GCSH: variants seen among roughly 807,000 people sequenced by gnomAD.
The protein encoded by GCSH is glycine cleavage system H protein, mitochondrial.
A neutral mutation model predicts 21.3 loss-of-function variants in GCSH; 15 were observed. That is an observed-to-expected ratio of 0.70 (90% CI 0.47 to 1.08). GCSH has a LOEUF of 1.08. GCSH is among the 50% of genes least tolerant of loss of function. The probability of loss-of-function intolerance (pLI) is 0.00; values close to 1 mark genes in which losing one functional copy is unlikely to be tolerated. For synonymous variants in GCSH, 59 were observed against 84.5 expected (o/e 0.70, Z 1.66); for missense variants, 179 against 217.5 (o/e 0.82, Z 1.11).
intron 3 of GCSH, 96 bp downstream of exon 3, chr16:81,087,505 A>AG: frequency 1.1e-6 from 1 of 910,100 alleles, no homozygotes; most frequent in East Asian, 2.5e-5. Flanking sequence ...CCAAAAAAAA[A>AG]AAAGCACTCT....
At chr16:81,083,942 C>G (rs952816842) in intron 4 of GCSH, 1 of 156,094 alleles carries the variant, frequency 6.4e-6, no homozygotes, top group Non-Finnish European at 1.4e-5. Context: ...TATCAAGAAA[C>G]TGCAAAATAA....
chr16:81,095,101 GAAAAAAA>G (rs56957840), intron 1 of GCSH, among the ~76,000 whole-genome samples: 1 of 144,820 alleles, frequency 6.9e-6, no homozygotes, highest in East Asian at 2.0e-4. Context: ...TCAATAAAAA[GAAAAAAA>G]AAAAAAAAGA....
rs78295348 is a variant in GCSH, at chr16:81,095,377, A to ATTTTTTTTT, written c.148+745_148+753dup. 1.9e-3 allele frequency among the ~76,000 whole-genome samples: 271 copies of ATTTTTTTTT among 146,126 alleles called. 4 individuals carry two copies. Among genetic ancestry groups the ATTTTTTTTT allele is most frequent in the East Asian group, 0.015 (72 of 4,818 alleles). On this transcript the variant is annotated intron_variant, in intron 1 of 4. Transcript: ENST00000315467. ...AAAAAAATCTAGATCTGGCGCTTTA[A>ATTTTTTTTT]TTTTTTTTTTTTTTTTTTTTTTTGA...
rs374594636 is a variant in GCSH, at chr16:81,087,593, A to T, written c.292+8T>A. The T allele has an allele frequency of 8.3e-6, 13 of 1,573,364 alleles. No individual in the cohort carries two copies. The highest frequency in any genetic ancestry group is 1.4e-5 in the African/African-American group (1 of 73,670). ...CATGGATCATTCTAAGATCCTAAGA[A>T]CACTCACCTTGTTTGTTCAATTTTG... is the stretch of plus-strand genomic sequence containing the variant. On this transcript the variant is annotated splice_region_variant and intron_variant, in intron 3 of 4. Transcript: ENST00000315467.
chr16:81,084,491 T>C lies in GCSH; in HGVS notation c.396A>G (p.Gly132=), dbSNP rs1597163552. 2.5e-6 allele frequency: 4 copies of C among 1,610,964 alleles called. No homozygotes were observed. The highest frequency in any genetic ancestry group is 1.7e-4 in the Middle Eastern group (1 of 6,050). ...CTTCATAACAAGATTTGTTTACAAG[T>C]CCTGGATTTTCTGCAAGAGCTTCAT... ...EINEALAENP[G]LVNKSCYEDG... Residue 132 remains glycine, a synonymous_variant, in exon 4 of 5, where the codon GGA becomes GGG. Coordinates refer to ENST00000315467, the MANE Select transcript of GCSH (RefSeq NM_004483.5).
chr16:81,083,018 C>T, intron 4 of GCSH, 55 bp from the exon 5 acceptor site: 1 of 1,049,280 alleles, frequency 9.5e-7, no homozygotes, highest in African/African-American at 1.6e-5. Flanking sequence ...AAGTCAAATT[C>T]ATCCAAAACG....
intron 3 of GCSH, among the ~76,000 whole-genome samples, chr16:81,085,061 C>T (rs1466257405): frequency 7.8e-6 from 1 of 127,734 alleles, no homozygotes; most frequent in African/African-American, 3.0e-5. Flanking sequence ...TGTCACCAGG[C>T]TACAGTACAA....
intron 1 of GCSH, among the ~76,000 whole-genome samples, chr16:81,092,321 G>A (rs951189107): frequency 8.0e-5 from 4 of 49,862 alleles, no homozygotes; most frequent in African/African-American, 1.1e-4. Flanking sequence ...AGTAGGCTGT[G>A]TACCCACCAA....
intron 1 of GCSH, among the ~76,000 whole-genome samples, chr16:81,094,209 T>C (rs1190051001): frequency 6.6e-6 from 1 of 152,192 alleles, no homozygotes; most frequent in African/African-American, 2.4e-5. Flanking sequence ...CAATAATTAC[T>C]TTCTAACTGG....
intron 1 of GCSH, among the ~76,000 whole-genome samples, chr16:81,092,819 T>C (rs914154118): frequency 1.5e-4 from 23 of 149,056 alleles, no homozygotes; most frequent in African/African-American, 5.5e-4. Flanking sequence ...GAAAAATATA[T>C]ATATTTTTCC....
At chr16:81,088,520 T>A (rs1028996999) in intron 2 of GCSH, among the ~76,000 whole-genome samples, 2 of 152,130 alleles carry the variant, frequency 1.3e-5, no homozygotes, top group African/African-American at 4.8e-5. Flanking sequence ...TGCCTCAGCC[T>A]CCCAAGTAGC....
rs915336406 is a variant in GCSH, at chr16:81,087,253, C to T, written c.292+348G>A. Among the ~76,000 whole-genome samples the T allele has an allele frequency of 5.3e-5, 8 of 152,152 alleles. No individual in the cohort carries two copies. In the South Asian group the frequency reaches 8.3e-4, roughly 16 times the overall value. On this transcript the variant is annotated intron_variant, in intron 3 of 4. Transcript: ENST00000315467. ...CAAAAGCACTCTAATTGGCTGGGCA[C>T]GGTGGCTCACACTTGTAATCTCAGC...
At chr16:81,084,856 C>A (rs35161190) in intron 3 of GCSH, among the ~76,000 whole-genome samples, 2 of 151,474 alleles carry the variant, frequency 1.3e-5, no homozygotes, top group African/African-American at 4.9e-5. Context: ...GGACTACAGG[C>A]GCCCACCTGC....
rs1020099943 is a variant in GCSH, at chr16:81,096,072, C to T, written c.148+59G>A. Reference sequence around the variant, plus strand: ...CCGGCGTCCTCCGTGTCCCGCTGGGCCCGGGACAAGCAGCCCAGGCGGGGA... The same window carrying T: ...CCGGCGTCCTCCGTGTCCCGCTGGGTCCGGGACAAGCAGCCCAGGCGGGGA... On this transcript the variant is annotated intron_variant, in intron 1 of 4. Transcript: ENST00000315467. 3.9e-5 allele frequency: 48 copies of T among 1,216,138 alleles called. No homozygotes were observed. The African/African-American group carries it at 6.4e-4, about 16-fold the overall frequency. 75.3% of individuals were successfully genotyped at this position (1,216,138 alleles called of 1,614,324 possible). A position where few individuals can be genotyped will look rare whatever the true frequency, so the allele number is the denominator to read the frequency against.
intron 3 of GCSH, among the ~76,000 whole-genome samples, chr16:81,086,914 T>G (rs1402750990): frequency 6.7e-6 from 1 of 149,220 alleles, no homozygotes; most frequent in Non-Finnish European, 1.5e-5. Context: ...TGTATACATT[T>G]GTTAAAACTC....
At chr16:81,094,774 G>C (rs1972466215) in intron 1 of GCSH, among the ~76,000 whole-genome samples, 1 of 146,222 alleles carries the variant, frequency 6.8e-6, no homozygotes, top group South Asian at 2.2e-4. Flanking sequence ...AAGCAGAGGA[G>C]CAGTCAGTGT....
intron 4 of GCSH, chr16:81,084,096 C>A: frequency 2.9e-6 from 1 of 347,566 alleles, no homozygotes; most frequent in Non-Finnish European, 5.3e-6. Flanking sequence ...TCTCCCACCT[C>A]AGCCTCCCTA....
chr16:81,089,061 A>G (rs973537734), intron 2 of GCSH, among the ~76,000 whole-genome samples: 24 of 152,246 alleles, frequency 1.6e-4, no homozygotes, highest in African/African-American at 5.5e-4. Context: ...CAAGGAAGAT[A>G]TAATTGTGAT....
intron 1 of GCSH, 42 bp downstream of exon 1, chr16:81,096,089 A>G: frequency 8.1e-7 from 1 of 1,231,100 alleles, no homozygotes; most frequent in Non-Finnish European, 1.0e-6. Flanking sequence ...CAAGCAGCCC[A>G]GGCGGGGAGG....
Sources: gnomAD v4.1 joint callset for allele counts (sites outside exome capture counted in the v4.1 genomes callset) on GRCh38, gnomAD v4.1.1 for gene constraint, MANE v1.5 for transcripts, NCBI Gene and HGNC (gene_info 2026-07-23, HGNC 2026-07-21) for gene names.